The following COL12A1 variants were observed in gnomAD, a reference collection of about 807,000 sequenced individuals.
COL12A1 encodes collagen type XII alpha 1 chain, also known as collagen alpha-1(XII) chain.
In COL12A1, 114 loss-of-function variants were observed where a neutral mutation model predicts 349.7. That is an observed-to-expected ratio of 0.33 (90% CI 0.28 to 0.38). The LOEUF is 0.38. Among genes scored for constraint, COL12A1 ranks in the 10% least tolerant of loss-of-function variants. The pLI is 1.00. For missense variants in COL12A1, 3,284 were observed against 3,756.9 expected (o/e 0.87, Z 3.29); for synonymous variants, 1,369 against 1,329.0 (o/e 1.03, Z -0.66).
intron 27 of COL12A1, among the ~76,000 whole-genome samples, chr6:75,141,380 T>C (rs895150014): frequency 6.6e-6 from 1 of 152,176 alleles, no homozygotes; most frequent in African/African-American, 2.4e-5. Context: ...TTAAATACTA[T>C]GGAGAAACCA....
At chr6:75,114,708 C>T (rs1342198768) in intron 49 of COL12A1, among the ~76,000 whole-genome samples, 1 of 152,038 alleles carries the variant, frequency 6.6e-6, no homozygotes, top group Admixed American at 6.6e-5. Context: ...GACATGATGT[C>T]TTTTATACGT....
intron 1 of COL12A1, among the ~76,000 whole-genome samples, chr6:75,205,196 C>G (rs986960621): frequency 4.0e-5 from 6 of 149,842 alleles, no homozygotes; most frequent in Non-Finnish European, 8.9e-5. Context: ...AGAATGAGTA[C>G]CCTAGTGCTG....
intron 13 of COL12A1, among the ~76,000 whole-genome samples, chr6:75,174,332 G>C (rs1435752275): frequency 6.6e-6 from 1 of 152,016 alleles, no homozygotes; most frequent in Non-Finnish European, 1.5e-5. Flanking sequence ...CGAGGCGGGC[G>C]GATCACGAGG....
rs544213024 is a variant in COL12A1 at position 75,201,491 on chromosome 6, C to T, written c.73+1229G>A. Among the ~76,000 whole-genome samples, 3 of 152,140 alleles carry T rather than the reference C, an allele frequency of 2.0e-5. No individual in the cohort carries two copies. In the East Asian group the frequency reaches 5.8e-4, roughly 29 times the overall value. ...TCCAACACTATAGAAACCTTGAAAA[C>T]CTTGGCATAATCATGCAAACAACCA... On this transcript the variant is annotated intron_variant, in intron 2 of 65. Coordinates refer to ENST00000322507, the MANE Select transcript of COL12A1 (RefSeq NM_004370.6).
intron 43 of COL12A1, 31 bp from the exon 44 acceptor site, chr6:75,121,472 A>G: frequency 6.7e-7 from 1 of 1,492,490 alleles, no homozygotes. Flanking sequence ...GGAAGCCCCA[A>G]ATCTCATGAA....
At position 75,145,908 on chromosome 6, in the gene COL12A1, A is replaced by T. The variant is rs1767161513; in HGVS notation, c.4560+194T>A. Among the ~76,000 whole-genome samples the T allele has an allele frequency of 1.3e-5, 2 of 152,196 alleles. 1 individual carries two copies. The highest frequency in any genetic ancestry group is 4.1e-4 in the South Asian group (2 of 4,832). On this transcript the variant is annotated intron_variant, in intron 24 of 65. Coordinates refer to ENST00000322507, the MANE Select transcript of COL12A1 (RefSeq NM_004370.6). Reference sequence around the variant, plus strand: ...CCGCCTCCCAAAGTGCTGAGATTACACAGGCGTCAGTCACCGTGGGCAGTC... The same window carrying T: ...CCGCCTCCCAAAGTGCTGAGATTACTCAGGCGTCAGTCACCGTGGGCAGTC...
At chr6:75,134,266 G>A (rs1582106008) in intron 32 of COL12A1, among the ~76,000 whole-genome samples, 1 of 152,060 alleles carries the variant, frequency 6.6e-6, no homozygotes, top group African/African-American at 2.4e-5. Context: ...TTCCAAGCAA[G>A]GATGTTAAAA....
At position 75,090,003 on chromosome 6, in the gene COL12A1, G is replaced by T; in HGVS notation, c.8941+107C>A. ...TTCTGAGGCTGTCCAAACAAGACCA[G>T]GGAAAGCAGTTTGCCTAGGTCACCT... On this transcript the variant is annotated intron_variant, in intron 63 of 65. Coordinates refer to ENST00000322507, the MANE Select transcript of COL12A1 (RefSeq NM_004370.6). This position sits in a 1 kb window ranked among gnomAD's most constrained non-coding sequence, Gnocchi z 4.1. 4.1e-6 allele frequency: 5 copies of T among 1,216,368 alleles called. No individual in the cohort carries two copies. The highest frequency in any genetic ancestry group is 5.9e-6 in the Non-Finnish European group (5 of 847,470). The allele number at this position is 1,216,368 out of a possible 1,614,324, so 75.3% of individuals were successfully genotyped here.
chr6:75,113,166 T>C (rs1044015761), intron 51 of COL12A1, 38 bp downstream of exon 51: 23 of 1,103,312 alleles, frequency 2.1e-5, no homozygotes, highest in Non-Finnish European at 2.7e-5. Context: ...TTTATATTTT[T>C]TTCTAGAAAT....
chr6:75,179,532 C>T (rs1246936853), intron 11 of COL12A1, among the ~76,000 whole-genome samples: 1 of 147,356 alleles, frequency 6.8e-6, no homozygotes, highest in African/African-American at 2.6e-5. Flanking sequence ...AGAAATATAC[C>T]TAAACCATGC....
intron 38 of COL12A1, 69 bp from the exon 39 acceptor site, chr6:75,126,539 AGTATCG>A (rs920101637): frequency 6.6e-7 from 1 of 1,512,776 alleles, no homozygotes; most frequent in Non-Finnish European, 8.9e-7. Context: ...AAACTTTAAA[AGTATCG>A]GTAGGAAAGC....
At chr6:75,179,385 G>A (rs569304857) in intron 11 of COL12A1, among the ~76,000 whole-genome samples, 10 of 152,162 alleles carry the variant, frequency 6.6e-5, no homozygotes, top group South Asian at 2.1e-4. Flanking sequence ...CAGGGTCATC[G>A]AGCAGCAGTG....
intron 23 of COL12A1, among the ~76,000 whole-genome samples, chr6:75,146,794 T>C (rs1366862662): frequency 1.3e-5 from 2 of 152,194 alleles, no homozygotes; most frequent in African/African-American, 2.4e-5. Flanking sequence ...GTTCAAAGAT[T>C]GAGTTCAAAG....
intron 11 of COL12A1, among the ~76,000 whole-genome samples, chr6:75,179,927 G>T (rs1267920858): frequency 6.6e-6 from 1 of 152,194 alleles, no homozygotes; most frequent in South Asian, 2.1e-4. Context: ...TTGGCAAAAT[G>T]TGCACACCAT....
At chr6:75,105,580 C>T (rs970139369) in intron 53 of COL12A1, among the ~76,000 whole-genome samples, 2 of 152,050 alleles carry the variant, frequency 1.3e-5, no homozygotes, top group South Asian at 2.1e-4. Context: ...TGTTGTGTAC[C>T]TCAAATATCA....
intron 1 of COL12A1, among the ~76,000 whole-genome samples, chr6:75,204,531 C>A (rs1237718026): frequency 6.6e-6 from 1 of 152,188 alleles, no homozygotes; most frequent in East Asian, 1.9e-4. Context: ...GCTTTCTCTC[C>A]TTTTTAGCCA....
intron 51 of COL12A1, among the ~76,000 whole-genome samples, chr6:75,111,056 T>C (rs1768815956): frequency 6.6e-6 from 1 of 151,952 alleles, no homozygotes; most frequent in Non-Finnish European, 1.5e-5. Flanking sequence ...GTAATAGATA[T>C]GTTAATTAGC....
Position 75,189,223 on chromosome 6 carries a change from A to C in COL12A1, c.817T>G (p.Ser273Ala). 6.2e-7 allele frequency: 1 copy of C among 1,612,692 alleles called. No individual in the cohort carries two copies. Among genetic ancestry groups the C allele is most frequent in the African/African-American group, 1.3e-5 (1 of 74,984 alleles). Residue 273 changes from serine (S) to alanine (A), a missense_variant, in exon 7 of 66, where the codon TCC (serine) becomes GCC (alanine). Transcript: ENST00000322507. The stretch of plus-strand genomic sequence containing the variant: ...TTAACTGAACTTAACCTACCCAAGG[A>C]GAAAACTTCAACTCCAACATTACGA... ...ELRNVGVEVF[S>A]LGIKAADAKE...
chr6:75,184,605 G>A (rs1163960092), intron 8 of COL12A1, among the ~76,000 whole-genome samples: 3 of 152,120 alleles, frequency 2.0e-5, no homozygotes, highest in Admixed American at 6.6e-5. Context: ...TGCCAAGAAA[G>A]AGAAAGCATT....
Sources: allele counts gnomAD v4.1 joint callset (sites outside exome capture counted in the v4.1 genomes callset), GRCh38; gene constraint gnomAD v4.1.1; non-coding constraint Gnocchi (gnomAD v3.1); transcripts MANE v1.5; gene names NCBI Gene and HGNC (gene_info 2026-07-23, HGNC 2026-07-21).